SLC25A31: variants seen among roughly 807,000 people sequenced by gnomAD.
SLC25A31 encodes solute carrier family 25 member 31, also known as ADP/ATP translocase 4.
SLC25A31 carries 40 observed loss-of-function variants against 36.2 expected under a neutral mutation model. The observed-to-expected ratio is 1.10, with a 90% CI of 0.86 to 1.44. The LOEUF is 1.44. Among genes scored for constraint, SLC25A31 ranks in the 40% most tolerant of loss-of-function variants. The pLI, the probability that SLC25A31 is intolerant of heterozygous loss-of-function variation, is 0.00. For synonymous variants in SLC25A31, 143 were observed against 149.7 expected, an observed-to-expected ratio of 0.96 and a Z score of 0.32; for missense variants, 350 against 397.1, an observed-to-expected ratio of 0.88 and a Z score of 1.01.
rs528679281 is a variant in SLC25A31, at chr4:127,744,807, T to C, written c.360+8T>C. 2.6e-5 allele frequency: 38 copies of C among 1,469,198 alleles called. No homozygotes were observed. The highest frequency in any genetic ancestry group is 7.0e-5 in the East Asian group (3 of 43,116). The allele number at this position is 1,469,198 out of a possible 1,614,324, so 91.0% of individuals were successfully genotyped here. On this transcript the variant is annotated splice_region_variant and intron_variant, in intron 2 of 5. Transcript: ENST00000281154. ...GTTAATAAAGAAAAACAGGTAATTA[T>C]ATTTTTTTTTTACTTTTTTCTTCCA... is the stretch of plus-strand genomic sequence containing the variant.
chr4:127,737,287 T>C (rs1404680914), intron 1 of SLC25A31, among the ~76,000 whole-genome samples: 2 of 152,246 alleles, frequency 1.3e-5, no homozygotes, highest in African/African-American at 4.8e-5. Context: ...GCTATACTAC[T>C]TTAACAGTTT....
chr4:127,764,208 G>A, intron 2 of SLC25A31, 35 bp from the exon 3 acceptor site: 16 of 1,545,808 alleles, frequency 1.0e-5, no homozygotes, highest in Non-Finnish European at 1.4e-5. Context: ...TAGATTCTGT[G>A]GTTTAATAAC....
At chr4:127,759,908 A>G (rs142109642) in intron 2 of SLC25A31, among the ~76,000 whole-genome samples, 15 of 152,336 alleles carry the variant, frequency 9.8e-5, no homozygotes, top group Non-Finnish European at 2.1e-4. Context: ...CTCAAAGGTT[A>G]TATGCTTTCT....
chr4:127,769,655 C>T (rs183546104), intron 5 of SLC25A31, among the ~76,000 whole-genome samples: 1 of 152,296 alleles, frequency 6.6e-6, no homozygotes, highest in African/African-American at 2.4e-5. Flanking sequence ...ACAAAATCTG[C>T]ACCCAAATTC....
At chr4:127,770,567 G>A (rs1019629726) in intron 5 of SLC25A31, among the ~76,000 whole-genome samples, 1 of 151,990 alleles carries the variant, frequency 6.6e-6, no homozygotes, top group African/African-American at 2.4e-5. Context: ...AGAGCTTGCA[G>A]TGAACCAAGA....
chr4:127,755,337 C>T (rs1732009341), intron 2 of SLC25A31, among the ~76,000 whole-genome samples: 1 of 152,120 alleles, frequency 6.6e-6, no homozygotes, highest in African/African-American at 2.4e-5. Flanking sequence ...AGTGATGAGA[C>T]AACCCGTGAC....
intron 2 of SLC25A31, 121 bp from the exon 3 acceptor site, chr4:127,764,122 A>G (rs1213382129): frequency 1.3e-6 from 1 of 764,970 alleles, no homozygotes; most frequent in African/African-American, 1.8e-5. Flanking sequence ...ATAGATGTTT[A>G]CTTTATAAAA....
chr4:127,752,083 G>A (rs1731944559), intron 2 of SLC25A31, among the ~76,000 whole-genome samples: 1 of 152,140 alleles, frequency 6.6e-6, no homozygotes, highest in African/African-American at 2.4e-5. Context: ...ATACCCAAAG[G>A]ATTATAAATC....
chr4:127,760,985 C>A (rs531959235), intron 2 of SLC25A31, among the ~76,000 whole-genome samples: 60 of 120,248 alleles, frequency 5.0e-4, no homozygotes, highest in African/African-American at 1.6e-3. Flanking sequence ...TACTAACTTA[C>A]AACAACCAAA....
At chr4:127,742,094 CA>C (rs1056872126) in intron 1 of SLC25A31, among the ~76,000 whole-genome samples, 2 of 151,922 alleles carry the variant, frequency 1.3e-5, no homozygotes, top group African/African-American at 4.8e-5. Flanking sequence ...CACTGGATCT[CA>C]AAAAAATAAA....
chr4:127,762,547 C>T (rs975887779), intron 2 of SLC25A31, among the ~76,000 whole-genome samples: 5 of 152,104 alleles, frequency 3.3e-5, no homozygotes, highest in Non-Finnish European at 5.9e-5. Flanking sequence ...GAATTGTACG[C>T]TTTACATAGG....
At chr4:127,755,486 A>G (rs1732012278) in intron 2 of SLC25A31, among the ~76,000 whole-genome samples, 2 of 152,298 alleles carry the variant, frequency 1.3e-5, no homozygotes, top group African/African-American at 4.8e-5. Flanking sequence ...CCAAAAACCT[A>G]AAGAGACACT....
At chr4:127,739,486 G>A (rs1054376788) in intron 1 of SLC25A31, among the ~76,000 whole-genome samples, 5 of 152,184 alleles carry the variant, frequency 3.3e-5, no homozygotes, top group Admixed American at 3.3e-4. Flanking sequence ...GTTTCTCTTT[G>A]TACATGATCT....
At chr4:127,739,395 C>CT (rs1302076652) in intron 1 of SLC25A31, among the ~76,000 whole-genome samples, 6 of 152,096 alleles carry the variant, frequency 3.9e-5, no homozygotes, top group Non-Finnish European at 2.9e-5. Context: ...TTGAATTTTT[C>CT]TTTAAGAATG....
intron 2 of SLC25A31, among the ~76,000 whole-genome samples, chr4:127,751,321 G>A (rs77946528): frequency 0.12 from 17,779 of 152,222 alleles, 1,353 homozygotes; most frequent in South Asian, 0.21. Context: ...AAGAAATGGG[G>A]AAAGGATTCC....
At chr4:127,744,614 A>G (rs1462547919) in intron 1 of SLC25A31, 58 bp from the exon 2 acceptor site, 17 of 1,446,300 alleles carry the variant, frequency 1.2e-5, no homozygotes, top group Non-Finnish European at 1.5e-5. Flanking sequence ...TGCTAAAACT[A>G]TGGCAATTGT....
intron 2 of SLC25A31, 87 bp from the exon 3 acceptor site, chr4:127,764,156 A>G (rs749685145): frequency 7.0e-6 from 8 of 1,143,610 alleles, no homozygotes; most frequent in Non-Finnish European, 1.0e-5. Flanking sequence ...CTGGTGTTTT[A>G]ACATTTATAA....
chr4:127,767,666 G>A (rs554614586), intron 4 of SLC25A31, among the ~76,000 whole-genome samples: 2 of 147,916 alleles, frequency 1.4e-5, no homozygotes, highest in East Asian at 3.9e-4. Context: ...GTTATCTACC[G>A]GATACTGTTA....
intron 4 of SLC25A31, 113 bp downstream of exon 4, chr4:127,767,333 GA>G: frequency 9.8e-7 from 1 of 1,024,268 alleles, no homozygotes; most frequent in Non-Finnish European, 1.3e-6. Flanking sequence ...AATCAGTGAT[GA>G]AAAAAGAGAG....
Sources: gnomAD v4.1 joint callset for allele counts (sites outside exome capture counted in the v4.1 genomes callset) on GRCh38, gnomAD v4.1.1 for gene constraint, MANE v1.5 for transcripts, NCBI Gene and HGNC (gene_info 2026-07-23, HGNC 2026-07-21) for gene names.